Variants in LDLRAD3 observed in about 807,000 individuals in gnomAD.
LDLRAD3 encodes low-density lipoprotein receptor class A domain-containing protein 3.
Under a neutral mutation model 29.4 loss-of-function variants are expected in LDLRAD3, and 20 were observed. That is an observed-to-expected ratio of 0.68 (90% CI 0.48 to 0.99). LDLRAD3 has a LOEUF of 0.99. Among genes scored for constraint, LDLRAD3 ranks in the 50% least tolerant of loss-of-function variants. The pLI is 0.00. For synonymous variants in LDLRAD3, 157 were observed against 192.7 expected, an observed-to-expected ratio of 0.81 and a Z score of 1.53; for missense variants, 420 against 454.3, an observed-to-expected ratio of 0.92 and a Z score of 0.69.
At chr11:35,972,861 G>A (rs1483603810) in intron 1 of LDLRAD3, 1 of 151,998 alleles carries the variant, frequency 6.6e-6, no homozygotes, top group Admixed American at 6.6e-5. Context: ...GACCAGCCTG[G>A]GGAACACAGT....
intron 4 of LDLRAD3, among the ~76,000 whole-genome samples, chr11:36,119,493 T>C (rs761858043): frequency 6.9e-6 from 1 of 145,726 alleles, no homozygotes; most frequent in Non-Finnish European, 1.5e-5. Flanking sequence ...CCAGCACTTA[T>C]TATTCTCTGT....
At chr11:36,118,257 A>G in intron 4 of LDLRAD3, among the ~76,000 whole-genome samples, 1 of 152,156 alleles carries the variant, frequency 6.6e-6, no homozygotes, top group East Asian at 1.9e-4. Flanking sequence ...AAGAGAGATG[A>G]TGTAATCTGT....
intron 1 of LDLRAD3, among the ~76,000 whole-genome samples, chr11:35,946,075 A>G (rs1851053288): frequency 6.6e-6 from 1 of 152,138 alleles, no homozygotes; most frequent in Non-Finnish European, 1.5e-5. Flanking sequence ...TCATCTTTTT[A>G]GCATAGATTT....
At chr11:35,959,795 AG>A (rs1325849202) in intron 1 of LDLRAD3, among the ~76,000 whole-genome samples, 1 of 151,952 alleles carries the variant, frequency 6.6e-6, no homozygotes, top group African/African-American at 2.4e-5. Context: ...CGGGCATGGT[AG>A]GGTACACCTG....
intron 4 of LDLRAD3, among the ~76,000 whole-genome samples, chr11:36,201,633 G>A (rs1186230574): frequency 6.6e-6 from 1 of 152,172 alleles, no homozygotes; most frequent in African/African-American, 2.4e-5. Flanking sequence ...TAATTACAAC[G>A]ATGAATATGC....
chr11:36,002,080 G>A (rs1043123234), intron 1 of LDLRAD3, among the ~76,000 whole-genome samples: 2 of 152,082 alleles, frequency 1.3e-5, no homozygotes, highest in South Asian at 2.1e-4. Context: ...GGTTGCTTTC[G>A]CATTTCTTCT....
intron 2 of LDLRAD3, 32 bp from the exon 3 acceptor site, chr11:36,081,621 T>C: frequency 1.2e-6 from 2 of 1,614,078 alleles, no homozygotes; most frequent in Non-Finnish European, 1.7e-6. Flanking sequence ...GAACATCTCC[T>C]GATGTCTTGC....
At chr11:35,998,844 C>T (rs1213910620) in intron 1 of LDLRAD3, among the ~76,000 whole-genome samples, 1 of 152,210 alleles carries the variant, frequency 6.6e-6, no homozygotes, top group Non-Finnish European at 1.5e-5. Context: ...CACTTAGCGT[C>T]TTTAGGGAGA....
chr11:36,007,987 C>T (rs1177123104), intron 1 of LDLRAD3, among the ~76,000 whole-genome samples: 2 of 152,174 alleles, frequency 1.3e-5, no homozygotes, highest in Admixed American at 6.5e-5. Context: ...ACTCAGTTTA[C>T]TCCACGTGAC....
intron 1 of LDLRAD3, among the ~76,000 whole-genome samples, chr11:35,965,112 G>GA (rs1468270961): frequency 1.3e-5 from 2 of 151,468 alleles, no homozygotes; most frequent in Non-Finnish European, 1.5e-5. Flanking sequence ...GTAAAGTAAT[G>GA]AAAAAAAAGA....
At chr11:36,015,218 T>G (rs1251389480) in intron 1 of LDLRAD3, among the ~76,000 whole-genome samples, 1 of 152,096 alleles carries the variant, frequency 6.6e-6, no homozygotes, top group African/African-American at 2.4e-5. Flanking sequence ...CTCGTGCCAT[T>G]TTGGGCATTG....
At chr11:36,003,540 CT>C (rs569477506) in intron 1 of LDLRAD3, among the ~76,000 whole-genome samples, 22 of 152,258 alleles carry the variant, frequency 1.4e-4, no homozygotes, top group African/African-American at 5.1e-4. Flanking sequence ...GCTTTTGTCC[CT>C]GTTCTAAAGA....
chr11:36,070,008 G>A lies in LDLRAD3; in HGVS notation c.194-11645G>A, dbSNP rs74409527. Among the ~76,000 whole-genome samples, 1,606 of 152,212 alleles carry A rather than the reference G, an allele frequency of 0.011. 56 individuals are homozygous for A. The East Asian group carries it at 0.12, about 11-fold the overall frequency. On this transcript the variant is annotated intron_variant, in intron 2 of 5. Transcript: ENST00000315571. ...AGAAGCCTGTTCTGATGCCAGCCTCGTTCCTAGTTTGAGATTAAGCATCCT... is the reference window on the plus strand; with the variant it reads ...AGAAGCCTGTTCTGATGCCAGCCTCATTCCTAGTTTGAGATTAAGCATCCT...
At chr11:35,997,265 G>T in intron 1 of LDLRAD3, 1 of 347,960 alleles carries the variant, frequency 2.9e-6, no homozygotes, top group South Asian at 2.8e-5. Context: ...GCAGCTCACA[G>T]ACTGGGCAGT....
At chr11:36,137,985 C>T (rs1854026539) in intron 4 of LDLRAD3, among the ~76,000 whole-genome samples, 1 of 152,070 alleles carries the variant, frequency 6.6e-6, no homozygotes, top group Non-Finnish European at 1.5e-5. Flanking sequence ...AAAGTCAAAC[C>T]ACATCTTAAG....
At chr11:35,981,112 C>T (rs1463523103) in intron 1 of LDLRAD3, among the ~76,000 whole-genome samples, 1 of 148,464 alleles carries the variant, frequency 6.7e-6, no homozygotes, top group Non-Finnish European at 1.5e-5. Context: ...CCATGGTCCA[C>T]TTACAGCTGT....
intron 3 of LDLRAD3, among the ~76,000 whole-genome samples, chr11:36,085,167 C>A (rs2133260822): frequency 6.6e-6 from 1 of 152,300 alleles, no homozygotes; most frequent in South Asian, 2.1e-4. Context: ...GTCTTTATTT[C>A]ACCTTCATTC....
At chr11:36,190,845 A>C (rs1458204987) in intron 4 of LDLRAD3, among the ~76,000 whole-genome samples, 2 of 152,240 alleles carry the variant, frequency 1.3e-5, no homozygotes, top group Admixed American at 6.5e-5. Context: ...AAATAAATAC[A>C]TAAATGAAAG....
chr11:36,028,450 C>T (rs1186955313), intron 1 of LDLRAD3, among the ~76,000 whole-genome samples: 4 of 152,144 alleles, frequency 2.6e-5, no homozygotes, highest in African/African-American at 9.7e-5. Context: ...TCTTATTTTA[C>T]ATAAGCCTGT....
Sources: gnomAD v4.1 joint callset for allele counts (sites outside exome capture counted in the v4.1 genomes callset) on GRCh38, gnomAD v4.1.1 for gene constraint, MANE v1.5 for transcripts, NCBI Gene and HGNC (gene_info 2026-07-23, HGNC 2026-07-21) for gene names.